Variants in SMIM35 observed in about 807,000 individuals in gnomAD.
The protein encoded by SMIM35 is TMPRSS4 antisense RNA 1 (non-protein coding).
chr11:118,081,619 G>A (rs561144509), intron 1 of SMIM35, among the ~76,000 whole-genome samples: 13 of 152,338 alleles, frequency 8.5e-5, no homozygotes, highest in Admixed American at 2.6e-4. Context: ...CCTGTCCAGG[G>A]GTGGCAGTCG....
chr11:118,060,611 T>A (rs1314395696), intron 1 of SMIM35, among the ~76,000 whole-genome samples: 1 of 152,108 alleles, frequency 6.6e-6, no homozygotes, highest in African/African-American at 2.4e-5. Flanking sequence ...CTTCTAGGCT[T>A]AGCATCCTGT....
chr11:118,015,848 C>T lies in SMIM35; in HGVS notation c.8-39G>A, dbSNP rs553114024. 6.6e-4 allele frequency: 264 copies of T among 399,374 alleles called. 1 individual carries two copies. The highest frequency in any genetic ancestry group is 1.0e-3 in the Non-Finnish European group (229 of 226,234). The allele number at this position is 399,374 out of a possible 1,614,324, so 24.7% of individuals were successfully genotyped here. Reference sequence around the variant, plus strand: ...CAGCTGTGCACCCTCCCACAGCCCCCTGCATCAACCCACCTGCACCACGTT... The same window carrying T: ...CAGCTGTGCACCCTCCCACAGCCCCTTGCATCAACCCACCTGCACCACGTT... On this transcript the variant is annotated intron_variant, in intron 1 of 4. Coordinates refer to ENST00000689828, the MANE Select transcript of SMIM35 (RefSeq NM_001394165.1).
intron 1 of SMIM35, among the ~76,000 whole-genome samples, chr11:118,034,360 A>C (rs2058342020): frequency 6.6e-6 from 1 of 152,170 alleles, no homozygotes. Flanking sequence ...GTTGTTGATT[A>C]CTTTTTTAAA....
At chr11:118,025,669 T>C (rs1312391606) in intron 1 of SMIM35, 2 of 446,784 alleles carry the variant, frequency 4.5e-6, no homozygotes, top group African/African-American at 4.0e-5. Flanking sequence ...ATTGCCCAAG[T>C]TCCTTATAGA....
At position 118,005,875 on chromosome 11, in the gene SMIM35, A is replaced by C. The variant is rs1234526187; in HGVS notation, c.*535T>G. ...GCATGGGCTCCCCCAGAACTGGAGG[A>C]GCTGGGCAGTAAGCAGATGGCAGGC... On this transcript the variant is annotated 3_prime_UTR_variant, in exon 5 of 5. Transcript: ENST00000689828. 1 of 152,338 alleles carries C rather than the reference A, an allele frequency of 6.6e-6. No individual in the cohort carries two copies. The highest frequency in any genetic ancestry group is 1.9e-4 in the East Asian group (1 of 5,198). The allele number at this position is 152,338 out of a possible 1,614,324, so 9.4% of individuals were successfully genotyped here.
intron 1 of SMIM35, among the ~76,000 whole-genome samples, chr11:118,054,164 G>GTTTGTTTTTTTTT (rs1565393377): frequency 9.5e-6 from 1 of 105,640 alleles, no homozygotes; most frequent in African/African-American, 3.5e-5. Context: ...GGATTTTTTT[G>GTTTGTTTTTTTTT]TTTTGTTTTT....
intron 1 of SMIM35, among the ~76,000 whole-genome samples, chr11:118,034,243 C>A (rs150307048): frequency 6.6e-6 from 1 of 152,250 alleles, no homozygotes; most frequent in East Asian, 1.9e-4. Context: ...ATTCATTGCA[C>A]TCCAGGCTGG....
At chr11:118,051,941 G>C (rs1261119652) in intron 1 of SMIM35, among the ~76,000 whole-genome samples, 3 of 152,142 alleles carry the variant, frequency 2.0e-5, no homozygotes, top group Non-Finnish European at 4.4e-5. Flanking sequence ...TAGGTGTGAG[G>C]TCCCACCTGC....
chr11:118,026,219 G>T (rs1017839377), intron 1 of SMIM35, among the ~76,000 whole-genome samples: 6 of 152,212 alleles, frequency 3.9e-5, no homozygotes, highest in Non-Finnish European at 5.9e-5. Flanking sequence ...TTGAAGTTGG[G>T]TAATGTGATG....
intron 1 of SMIM35, among the ~76,000 whole-genome samples, chr11:118,081,476 C>T (rs923903967): frequency 5.3e-5 from 8 of 152,258 alleles, no homozygotes; most frequent in Non-Finnish European, 1.2e-4. Flanking sequence ...CTCCCCTGCC[C>T]GTGGCCCCCA....
intron 4 of SMIM35, among the ~76,000 whole-genome samples, chr11:118,009,136 G>T (rs887653083): frequency 6.6e-6 from 1 of 152,134 alleles, no homozygotes; most frequent in African/African-American, 2.4e-5. Context: ...AAAGAGGAGT[G>T]GGTCAGTGGG....
chr11:118,065,298 C>T (rs995575915), intron 1 of SMIM35, among the ~76,000 whole-genome samples: 1 of 152,196 alleles, frequency 6.6e-6, no homozygotes, highest in South Asian at 2.1e-4. Flanking sequence ...AGCCTTGTCA[C>T]GTCCATGATG....
rs757437273 is a variant in SMIM35 at position 118,078,839 on chromosome 11, G to A, written c.7+7912C>T. The stretch of plus-strand genomic sequence containing the variant: ...GAGACTCACCTTCTCCCCTGCCCAC[G>A]GAAACGATATGACCCACAACAGCCC... On this transcript the variant is annotated intron_variant, in intron 1 of 4. Transcript: ENST00000689828. Among the ~76,000 whole-genome samples the A allele has an allele frequency of 3.0e-4, 45 of 152,214 alleles. 1 individual carries two copies. The Middle Eastern group carries it at 0.014, about 46-fold the overall frequency.
chr11:118,056,642 C>T (rs946550945), intron 1 of SMIM35, among the ~76,000 whole-genome samples: 1 of 151,924 alleles, frequency 6.6e-6, no homozygotes, highest in Non-Finnish European at 1.5e-5. Flanking sequence ...GGATGAAATC[C>T]CCAGGAGGAG....
At chr11:118,055,269 C>T (rs1944291257) in intron 1 of SMIM35, among the ~76,000 whole-genome samples, 1 of 152,080 alleles carries the variant, frequency 6.6e-6, no homozygotes, top group Non-Finnish European at 1.5e-5. Context: ...TGAGTGGATC[C>T]CTCAAATTCC....
At chr11:118,045,554 T>A (rs1453271602) in intron 1 of SMIM35, among the ~76,000 whole-genome samples, 4 of 152,174 alleles carry the variant, frequency 2.6e-5, no homozygotes, top group Non-Finnish European at 5.9e-5. Flanking sequence ...TTTTTAAAGG[T>A]CAAAAACAGG....
intron 1 of SMIM35, among the ~76,000 whole-genome samples, chr11:118,084,332 T>A (rs1437270289): frequency 2.6e-5 from 4 of 152,106 alleles, no homozygotes; most frequent in Non-Finnish European, 1.5e-5. Context: ...AAGGAAAAAC[T>A]TCATGAAGCA....
At chr11:118,079,002 C>T (rs1661621221) in intron 1 of SMIM35, among the ~76,000 whole-genome samples, 1 of 152,120 alleles carries the variant, frequency 6.6e-6, no homozygotes, top group Admixed American at 6.5e-5. Flanking sequence ...CTGGGTAGTA[C>T]ACCCAACACA....
At chr11:118,031,108 TTACAAA>T (rs1453166400) in intron 1 of SMIM35, among the ~76,000 whole-genome samples, 11 of 151,970 alleles carry the variant, frequency 7.2e-5, no homozygotes, top group Admixed American at 7.2e-4. Context: ...GAAAAAAGAG[TTACAAA>T]TACAAAAAGA....
Sources: gnomAD v4.1 joint callset for allele counts (sites outside exome capture counted in the v4.1 genomes callset) on GRCh38, gnomAD v4.1.1 for gene constraint, MANE v1.5 for transcripts, NCBI Gene and HGNC (gene_info 2026-07-23, HGNC 2026-07-21) for gene names.